The following PDE7A variants were observed in gnomAD, a reference collection of about 807,000 sequenced individuals.
The protein encoded by PDE7A is high affinity 3',5'-cyclic-AMP phosphodiesterase 7A.
Under a neutral mutation model 64.3 loss-of-function variants are expected in PDE7A, and 39 were observed. That is an observed-to-expected ratio of 0.61 (90% CI 0.47 to 0.79). The LOEUF is 0.79. Ranked by LOEUF, PDE7A falls within the 30% of genes least tolerant of loss-of-function variation. The pLI is 0.00. For synonymous variants in PDE7A, 203 were observed against 206.8 expected, an observed-to-expected ratio of 0.98 and a Z score of 0.16; for missense variants, 470 against 582.8, an observed-to-expected ratio of 0.81 and a Z score of 1.99.
intron 3 of PDE7A, among the ~76,000 whole-genome samples, chr8:65,764,777 A>C (rs757580139): frequency 2.0e-5 from 3 of 152,248 alleles, no homozygotes; most frequent in Non-Finnish European, 4.4e-5. Flanking sequence ...CTTATCAGAA[A>C]AACAGGAAAC....
intron 1 of PDE7A, among the ~76,000 whole-genome samples, chr8:65,825,027 CAA>C (rs1428846393): frequency 6.6e-6 from 1 of 151,836 alleles, no homozygotes; most frequent in Non-Finnish European, 1.5e-5. Context: ...TTTCTGGAAA[CAA>C]ATTTGACAGT....
intron 2 of PDE7A, among the ~76,000 whole-genome samples, chr8:65,782,537 A>G (rs557860917): frequency 1.3e-5 from 2 of 152,340 alleles, no homozygotes; most frequent in South Asian, 4.1e-4. Context: ...ATGCAATTCG[A>G]AACTGTGTAC....
intron 5 of PDE7A, among the ~76,000 whole-genome samples, chr8:65,740,172 G>A (rs1410492518): frequency 1.3e-5 from 2 of 149,856 alleles, no homozygotes; most frequent in Admixed American, 1.3e-4. Flanking sequence ...GTTGCTTGGG[G>A]GGGTGGGGAG....
At position 65,749,990 on chromosome 8, in the gene PDE7A, A is replaced by G. The variant is rs939019249; in HGVS notation, c.284-2187T>C. On this transcript the variant is annotated intron_variant, in intron 3 of 12. Transcript: ENST00000401827. Reference sequence around the variant, plus strand: ...GACTCTTCTAACTTTATTACTAGAAAAAAGTGGATCTGCAAGGGACATAAT... The same window carrying G: ...GACTCTTCTAACTTTATTACTAGAAGAAAGTGGATCTGCAAGGGACATAAT... Among the ~76,000 whole-genome samples, 4 of 151,236 alleles carry G rather than the reference A, an allele frequency of 2.6e-5. No individual in the cohort carries two copies. In the East Asian group the frequency reaches 7.8e-4, roughly 30 times the overall value.
chr8:65,750,473 A>AGTGTGTGTGTGTGT (rs1319487194), intron 3 of PDE7A, among the ~76,000 whole-genome samples: 6 of 80,406 alleles, frequency 7.5e-5, no homozygotes, highest in Non-Finnish European at 2.6e-5. Flanking sequence ...AATTAGAATC[A>AGTGTGTGTGTGTGT]CTGTGTGTGT....
intron 1 of PDE7A, among the ~76,000 whole-genome samples, chr8:65,812,699 G>T (rs1810284735): frequency 6.6e-6 from 1 of 152,068 alleles, no homozygotes. Flanking sequence ...CTCTTACAAT[G>T]CAACAAGATA....
At chr8:65,757,299 C>G (rs1808279163) in intron 3 of PDE7A, among the ~76,000 whole-genome samples, 1 of 152,218 alleles carries the variant, frequency 6.6e-6, no homozygotes, top group African/African-American at 2.4e-5. Flanking sequence ...AAGACTGTAA[C>G]AAGGGCTATG....
chr8:65,769,699 C>G (rs965475066), intron 3 of PDE7A, among the ~76,000 whole-genome samples: 42 of 152,144 alleles, frequency 2.8e-4, no homozygotes, highest in African/African-American at 9.7e-4. Context: ...AGTTTGACAC[C>G]AGCCTGGCCA....
rs1807059147 is a variant in PDE7A, at chr8:65,734,891, A to G, written c.599T>C (p.Met200Thr). ...DMMKLRRFLV[M>T]IQEDYHSQNP... ...TTGACTGTGGTAATCTTCTTGAATC[A>G]TAACTGCATCAAAGAAAGAGATCCC... is the stretch of plus-strand genomic sequence containing the variant. Residue 200 changes from methionine to threonine, a missense_variant, in exon 7 of 13, where the codon ATG (methionine) becomes ACG (threonine). Met to Thr is a moderately conservative substitution (Grantham distance 81). Transcript: ENST00000401827. 6.3e-7 allele frequency: 1 copy of G among 1,593,156 alleles called. No individual in the cohort carries two copies. Among genetic ancestry groups the G allele is most frequent in the African/African-American group, 1.3e-5 (1 of 74,630 alleles).
rs1208108077 is a variant in PDE7A, at chr8:65,715,630, A to G, written c.*3660T>C. Among the ~76,000 whole-genome samples the G allele has an allele frequency of 1.3e-5, 2 of 148,642 alleles. No homozygotes were observed. The highest frequency in any genetic ancestry group is 1.3e-4 in the Admixed American group (2 of 15,052). On this transcript the variant is annotated 3_prime_UTR_variant, in exon 13 of 13. Coordinates refer to ENST00000401827, the MANE Select transcript of PDE7A (RefSeq NM_001242318.3). Reference sequence around the variant, plus strand: ...CGACCTCAGGTGATCCACCCACCTCAGCCTCCCAAAGTGCTGGGATTACAG... The same window carrying G: ...CGACCTCAGGTGATCCACCCACCTCGGCCTCCCAAAGTGCTGGGATTACAG...
chr8:65,821,145 T>C (rs756714149), intron 1 of PDE7A, among the ~76,000 whole-genome samples: 1 of 151,992 alleles, frequency 6.6e-6, no homozygotes, highest in Non-Finnish European at 1.5e-5. Flanking sequence ...TATAACTGAA[T>C]AGGCCTTTTT....
At chr8:65,819,831 A>G (rs1194808492) in intron 1 of PDE7A, among the ~76,000 whole-genome samples, 2 of 152,200 alleles carry the variant, frequency 1.3e-5, no homozygotes, top group Non-Finnish European at 2.9e-5. Context: ...CCTTATAGGT[A>G]GGCATAGCCG....
In PDE7A at chr8:65,715,380, T is replaced by A. The variant is rs1806091660; in HGVS notation, c.*3910A>T. Among the ~76,000 whole-genome samples the A allele has an allele frequency of 7.8e-6, 1 of 127,656 alleles. No individual in the cohort carries two copies. The highest frequency in any genetic ancestry group is 3.0e-5 in the African/African-American group (1 of 33,078). 83.7% of individuals were successfully genotyped at this position (127,656 alleles called of 152,430 possible). On this transcript the variant is annotated 3_prime_UTR_variant, in exon 13 of 13. Coordinates refer to ENST00000401827, the MANE Select transcript of PDE7A (RefSeq NM_001242318.3). ...GAGAGACCCTGTCTCTATAAAAAAG[T>A]TTTTTTTTTTTTTTTGAGACAGAGT... is the stretch of plus-strand genomic sequence containing the variant.
chr8:65,811,112 C>A (rs898218874), intron 1 of PDE7A, among the ~76,000 whole-genome samples: 2 of 151,806 alleles, frequency 1.3e-5, no homozygotes, highest in Admixed American at 1.3e-4. Context: ...TCAGTGCTAG[C>A]GGTTAAAATG....
intron 1 of PDE7A, among the ~76,000 whole-genome samples, chr8:65,821,599 C>T (rs1392999319): frequency 3.3e-5 from 5 of 152,124 alleles, no homozygotes; most frequent in South Asian, 2.1e-4. Context: ...AGTGGTACCC[C>T]GACTCCCAAG....
intron 7 of PDE7A, among the ~76,000 whole-genome samples, chr8:65,734,156 C>CTCTACAAG (rs1563476464): frequency 2.0e-5 from 3 of 152,192 alleles, no homozygotes; most frequent in African/African-American, 7.2e-5. Context: ...AAGCCTTACC[C>CTCTACAAG]CCAAAACTTG....
In PDE7A at chr8:65,788,901, A is replaced by G. The variant is rs752698863; in HGVS notation, c.139-6058T>C. The stretch of plus-strand genomic sequence containing the variant: ...GCCTACCTTAGAGGTGATCCACTTG[A>G]TAAGAACCAAGGCCAGACACCAGAT... On this transcript the variant is annotated intron_variant, in intron 1 of 12. Transcript: ENST00000401827. 3.7e-6 allele frequency: 6 copies of G among 1,612,118 alleles called. No individual in the cohort carries two copies. The African/African-American group carries it at 4.0e-5, about 11-fold the overall frequency.
In PDE7A at chr8:65,719,173, GC is replaced by G. The variant is rs1806270632; in HGVS notation, c.*116del. 1 of 685,798 alleles carries G rather than the reference GC, an allele frequency of 1.5e-6. No homozygotes were observed. The highest frequency in any genetic ancestry group is 2.3e-5 in the Admixed American group (1 of 42,580). 42.5% of individuals were successfully genotyped at this position (685,798 alleles called of 1,614,324 possible). A position where few individuals can be genotyped will look rare whatever the true frequency, so the allele number is the denominator to read the frequency against. On this transcript the variant is annotated 3_prime_UTR_variant, in exon 13 of 13. Transcript: ENST00000401827. ...GAAATCTTGGAAATAAATAATGCTG[GC>G]TGGCATCACTCACTTGGAAACCTTG...
intron 3 of PDE7A, among the ~76,000 whole-genome samples, chr8:65,751,161 G>A (rs922113306): frequency 3.9e-5 from 6 of 152,238 alleles, no homozygotes; most frequent in South Asian, 2.1e-4. Context: ...AAGCCTACAC[G>A]TAACAAGATT....
Sources: gnomAD v4.1 joint callset for allele counts (sites outside exome capture counted in the v4.1 genomes callset) on GRCh38, gnomAD v4.1.1 for gene constraint, MANE v1.5 for transcripts, NCBI Gene and HGNC (gene_info 2026-07-23, HGNC 2026-07-21) for gene names.